G3BP2: variants seen among roughly 807,000 people sequenced by gnomAD.
G3BP2 encodes the protein G3BP stress granule assembly factor 2, also known as ras GTPase-activating protein-binding protein 2.
G3BP2 carries 11 observed loss-of-function variants against 56.7 expected under a neutral mutation model. The ratio of observed to expected loss-of-function variants is 0.19; its 90% CI spans 0.12 to 0.32. The LOEUF is 0.32. Among genes scored for constraint, G3BP2 ranks in the 10% least tolerant of loss-of-function variants. The pLI is 1.00. For synonymous variants in G3BP2, 165 were observed against 191.6 expected, an observed-to-expected ratio of 0.86 and a Z score of 1.15; for missense variants, 340 against 610.9, an observed-to-expected ratio of 0.56 and a Z score of 4.67.
chr4:75,712,602 C>G (rs900957940), intron 3 of G3BP2, among the ~76,000 whole-genome samples: 3 of 152,132 alleles, frequency 2.0e-5, no homozygotes, highest in African/African-American at 7.2e-5. Flanking sequence ...CTTTATAAAG[C>G]TGAGCAAATG....
Position 75,643,311 on chromosome 4 carries a change from A to ATATG in G3BP2, c.*2118_*2119insCATA, listed in dbSNP as rs1730993265. 1 of 142,328 alleles carries ATATG rather than the reference A, an allele frequency of 7.0e-6. No homozygotes were observed. The highest frequency in any genetic ancestry group is 2.1e-4 in the South Asian group (1 of 4,746). The allele number at this position is 142,328 out of a possible 1,614,324, so 8.8% of individuals were successfully genotyped here. On this transcript the variant is annotated 3_prime_UTR_variant, in exon 12 of 12. Transcript: ENST00000359707. ...AATTGGAAATTATATATATATATAT[A>ATATG]TATATGGAAACAGAAATACAAGAAA...
chr4:75,668,233 C>T (rs1462008488), intron 1 of G3BP2, among the ~76,000 whole-genome samples: 1 of 152,202 alleles, frequency 6.6e-6, no homozygotes, highest in East Asian at 1.9e-4. Context: ...CATTATCCTA[C>T]AATGAACTTA....
chr4:75,722,090 T>C (rs1720198957), intron 2 of G3BP2, among the ~76,000 whole-genome samples: 1 of 152,122 alleles, frequency 6.6e-6, no homozygotes, highest in Admixed American at 6.6e-5. Context: ...CCCTGACTTT[T>C]CTCCCTCTAC....
chr4:75,673,604 G>A, upstream of G3BP2: 1 of 1,231,652 alleles, frequency 8.1e-7, no homozygotes, highest in Non-Finnish European at 1.0e-6. Flanking sequence ...CCGGGGAACC[G>A]GAACCGGCCT....
intron 3 of G3BP2, among the ~76,000 whole-genome samples, chr4:75,697,640 A>C (rs1719178939): frequency 6.6e-6 from 1 of 152,226 alleles, no homozygotes; most frequent in Non-Finnish European, 1.5e-5. Flanking sequence ...AATTCATAAA[A>C]GAAGAAATAC....
At chr4:75,675,016 CCCGGCCAGTAGTTG>C (rs1276632248), upstream of G3BP2, among the ~76,000 whole-genome samples, 5 of 152,164 alleles carry the variant, frequency 3.3e-5, no homozygotes, top group Admixed American at 3.3e-4. Flanking sequence ...AGCCACCGCA[CCCGGCCAGTAGTTG>C]CTATTTTTAT....
chr4:75,673,493 C>G, upstream of G3BP2: 4 of 1,232,286 alleles, frequency 3.2e-6, no homozygotes, highest in Non-Finnish European at 4.0e-6. Flanking sequence ...CAGCGTCAGC[C>G]AATCACGCAT....
chr4:75,694,857 A>G, intron 3 of G3BP2: 1 of 985,548 alleles, frequency 1.0e-6, no homozygotes, highest in Non-Finnish European at 1.2e-6. Context: ...AGACTGCGAC[A>G]TCACATCCAG....
chr4:75,707,440 T>A (rs1259562544), intron 3 of G3BP2, among the ~76,000 whole-genome samples: 2 of 151,822 alleles, frequency 1.3e-5, no homozygotes, highest in African/African-American at 4.8e-5. Flanking sequence ...AAACCCCGTC[T>A]CTACTAAAAA....
At chr4:75,674,640 A>T (rs147077907), upstream of G3BP2, among the ~76,000 whole-genome samples, 406 of 148,722 alleles carry the variant, frequency 2.7e-3, 4 homozygotes, top group African/African-American at 9.5e-3. Context: ...TCTTGTAATT[A>T]TACAGCCTTC....
Position 75,655,146 on chromosome 4 carries a change from T to C in G3BP2, c.646A>G (p.Lys216Glu), listed in dbSNP as rs1578388251. The change falls in exon 7 of 12, where the codon AAG becomes GAG. Residue 216 changes from lysine (K) to glutamate (E), a missense_variant. Physicochemically the swap from Lys to Glu is moderately conservative, Grantham distance 56. Transcript: ENST00000359707. ...TEELKPQVEE[K>E]NLEELEEKST... ...TTCTCCTCTAGTTCTTCTAAGTTCT[T>C]CTCCTCCACTTGTGGTTTCAGCTCT... 3 of 1,613,284 alleles carry C rather than the reference T, an allele frequency of 1.9e-6. No individual in the cohort carries two copies. Among genetic ancestry groups the C allele is most frequent in the Middle Eastern group, 1.7e-4 (1 of 6,056 alleles).
At chr4:75,668,240 C>T (rs1195928214) in intron 1 of G3BP2, among the ~76,000 whole-genome samples, 3 of 152,172 alleles carry the variant, frequency 2.0e-5, no homozygotes, top group African/African-American at 7.2e-5. Flanking sequence ...CTACAATGAA[C>T]TTATATTTCC....
Position 75,672,856 on chromosome 4 carries a change from A to G in G3BP2, c.-25+352T>C, listed in dbSNP as rs531096088. 1.1e-4 allele frequency: 25 copies of G among 220,704 alleles called. 1 individual carries two copies. In the South Asian group the frequency reaches 4.1e-3, roughly 36 times the overall value. The allele number at this position is 220,704 out of a possible 1,614,324, so 13.7% of individuals were successfully genotyped here. ...GAAAGCCTGCTCCCACACTTCCTGT[A>G]TTAAGCTTCCATCAGCGCGCCTTCG... is the stretch of plus-strand genomic sequence containing the variant. On this transcript the variant is annotated intron_variant, in intron 1 of 11. Transcript: ENST00000359707.
At chr4:75,718,238 CTT>C (rs11339894) in intron 3 of G3BP2, among the ~76,000 whole-genome samples, 98 of 146,120 alleles carry the variant, frequency 6.7e-4, no homozygotes, top group Middle Eastern at 3.6e-3. Flanking sequence ...TTCTTTCTTT[CTT>C]TTTTTTTTTT....
At chr4:75,717,215 G>A (rs991818963) in intron 3 of G3BP2, among the ~76,000 whole-genome samples, 1 of 152,082 alleles carries the variant, frequency 6.6e-6, no homozygotes, top group East Asian at 1.9e-4. Context: ...GGTTGAGGCG[G>A]GTGGGTCTCC....
At chr4:75,684,396 C>T (rs956034331) in intron 3 of G3BP2, among the ~76,000 whole-genome samples, 1 of 151,330 alleles carries the variant, frequency 6.6e-6, no homozygotes, top group African/African-American at 2.4e-5. Context: ...CAGAGTTAGA[C>T]TTTGTCAAAA....
intron 3 of G3BP2, among the ~76,000 whole-genome samples, chr4:75,684,895 T>C (rs182933114): frequency 6.6e-6 from 1 of 152,256 alleles, no homozygotes; most frequent in East Asian, 1.9e-4. Flanking sequence ...TCTTTTTCGA[T>C]ATATTTCCTG....
chr4:75,718,118 GAA>G (rs1432641416), intron 3 of G3BP2, among the ~76,000 whole-genome samples: 1 of 148,366 alleles, frequency 6.7e-6, no homozygotes, highest in Non-Finnish European at 1.5e-5. Flanking sequence ...CCTGGAGACA[GAA>G]TGAGACTCCG....
At chr4:75,689,407 G>A (rs1718758864) in intron 3 of G3BP2, among the ~76,000 whole-genome samples, 1 of 151,102 alleles carries the variant, frequency 6.6e-6, no homozygotes, top group African/African-American at 2.4e-5. Flanking sequence ...CCCAAATCAT[G>A]CCAATGGAAA....
Sources: allele counts gnomAD v4.1 joint callset (sites outside exome capture counted in the v4.1 genomes callset), GRCh38; gene constraint gnomAD v4.1.1; transcripts MANE v1.5; gene names NCBI Gene and HGNC (gene_info 2026-07-23, HGNC 2026-07-21).